ZNF804A: variants seen among roughly 807,000 people sequenced by gnomAD.
ZNF804A encodes the protein zinc finger protein 804A.
A neutral mutation model predicts 16.5 loss-of-function variants in ZNF804A; 2 were observed. That is an observed-to-expected ratio of 0.12 (90% confidence interval 0.05 to 0.38). ZNF804A has a LOEUF of 0.38. Among genes scored for constraint, ZNF804A ranks in the 10% least tolerant of loss-of-function variants. The pLI, the probability that ZNF804A is intolerant of heterozygous loss-of-function variation, is 0.99. For synonymous variants in ZNF804A, 534 were observed against 489.6 expected (o/e 1.09, Z -1.20); for missense variants, 1,473 against 1,390.7 (o/e 1.06, Z -0.94).
chr2:184,601,809 T>C (rs965722212), intron 1 of ZNF804A, among the ~76,000 whole-genome samples: 1 of 152,082 alleles, frequency 6.6e-6, no homozygotes, highest in African/African-American at 2.4e-5. Flanking sequence ...AAAGGTACTT[T>C]GATTACTGCA....
intron 1 of ZNF804A, among the ~76,000 whole-genome samples, chr2:184,672,931 G>A (rs538233466): frequency 2.6e-5 from 4 of 151,984 alleles, no homozygotes; most frequent in African/African-American, 4.8e-5. Context: ...TAGTAGAGAC[G>A]GGGTTTCACC....
chr2:184,710,565 T>C (rs1693109155), intron 1 of ZNF804A, among the ~76,000 whole-genome samples: 1 of 151,830 alleles, frequency 6.6e-6, no homozygotes, highest in Non-Finnish European at 1.5e-5. Context: ...AAGTGTATAA[T>C]ACAGTATTGT....
chr2:184,913,255 T>C (rs1251824690), intron 2 of ZNF804A, among the ~76,000 whole-genome samples: 1 of 152,152 alleles, frequency 6.6e-6, no homozygotes, highest in African/African-American at 2.4e-5. Flanking sequence ...TACATTGGCA[T>C]AGATTTATAA....
intron 1 of ZNF804A, among the ~76,000 whole-genome samples, chr2:184,807,748 A>G (rs1350163282): frequency 6.6e-6 from 1 of 151,754 alleles, no homozygotes; most frequent in Non-Finnish European, 1.5e-5. Flanking sequence ...TGTGGAATCT[A>G]ATGTGTATTG....
intron 1 of ZNF804A, among the ~76,000 whole-genome samples, chr2:184,802,731 C>A (rs139595864): frequency 9.3e-4 from 141 of 152,166 alleles, no homozygotes; most frequent in African/African-American, 3.3e-3. Context: ...TCTTCCAAAC[C>A]CTATATGAGA....
At chr2:184,746,530 C>T (rs1274428725) in intron 1 of ZNF804A, among the ~76,000 whole-genome samples, 1 of 151,424 alleles carries the variant, frequency 6.6e-6, no homozygotes, top group Non-Finnish European at 1.5e-5. Flanking sequence ...AAACAATTAT[C>T]ATTTATTTGT....
chr2:184,679,946 G>C (rs1411122674), intron 1 of ZNF804A, among the ~76,000 whole-genome samples: 1 of 152,186 alleles, frequency 6.6e-6, no homozygotes, highest in African/African-American at 2.4e-5. Flanking sequence ...TGGGCTGCCA[G>C]TTCCCAGGCC....
At chr2:184,714,709 G>A (rs528857976) in intron 1 of ZNF804A, among the ~76,000 whole-genome samples, 3 of 152,158 alleles carry the variant, frequency 2.0e-5, no homozygotes, top group South Asian at 2.1e-4. Flanking sequence ...AGTTGTATTT[G>A]TATTTCATAT....
At chr2:184,813,851 G>T (rs1370161475) in intron 1 of ZNF804A, among the ~76,000 whole-genome samples, 1 of 151,694 alleles carries the variant, frequency 6.6e-6, no homozygotes, top group Non-Finnish European at 1.5e-5. Flanking sequence ...ACTTTCTTTA[G>T]ACCTCTGCTA....
chr2:184,795,042 G>C (rs1694609754), intron 1 of ZNF804A, among the ~76,000 whole-genome samples: 1 of 151,916 alleles, frequency 6.6e-6, no homozygotes, highest in African/African-American at 2.4e-5. Context: ...AAGAGACAAT[G>C]GATTTAAACT....
At chr2:184,791,818 C>T (rs1282747070) in intron 1 of ZNF804A, among the ~76,000 whole-genome samples, 1 of 152,040 alleles carries the variant, frequency 6.6e-6, no homozygotes, top group African/African-American at 2.4e-5. Context: ...AGTTTAAGAG[C>T]CCTAAAAAAT....
intron 1 of ZNF804A, among the ~76,000 whole-genome samples, chr2:184,792,713 C>T (rs748744305): frequency 1.4e-4 from 21 of 152,084 alleles, no homozygotes; most frequent in Non-Finnish European, 2.2e-4. Flanking sequence ...GATCTAAAGT[C>T]ATCAGCTTGC....
intron 1 of ZNF804A, among the ~76,000 whole-genome samples, chr2:184,653,934 T>G (rs930709669): frequency 2.6e-5 from 4 of 152,206 alleles, no homozygotes; most frequent in Admixed American, 2.0e-4. Context: ...ATGATCATTT[T>G]AGAGAACCAG....
At chr2:184,848,119 G>A (rs1193084356) in intron 1 of ZNF804A, among the ~76,000 whole-genome samples, 3 of 152,028 alleles carry the variant, frequency 2.0e-5, no homozygotes, top group South Asian at 2.1e-4. Context: ...GAGTGAGATC[G>A]AAAGTTCCAA....
chr2:184,736,225 A>G (rs1006020288), intron 1 of ZNF804A, among the ~76,000 whole-genome samples: 2 of 152,152 alleles, frequency 1.3e-5, no homozygotes, highest in African/African-American at 4.8e-5. Context: ...TGTGATCCTG[A>G]CCTTACCAAT....
At chr2:184,858,594 G>C (rs150543826) in intron 1 of ZNF804A, among the ~76,000 whole-genome samples, 2 of 150,888 alleles carry the variant, frequency 1.3e-5, no homozygotes, top group East Asian at 3.9e-4. Flanking sequence ...CATGTATTTT[G>C]ATGTTTTAAT....
chr2:184,645,965 G>T (rs954843320), intron 1 of ZNF804A, among the ~76,000 whole-genome samples: 1 of 152,150 alleles, frequency 6.6e-6, no homozygotes, highest in African/African-American at 2.4e-5. Flanking sequence ...CAGGATGAGG[G>T]AGAGCGCTTT....
chr2:184,655,665 A>C (rs780341581), intron 1 of ZNF804A, among the ~76,000 whole-genome samples: 4 of 152,156 alleles, frequency 2.6e-5, no homozygotes, highest in Non-Finnish European at 4.4e-5. Context: ...TATTTGATAG[A>C]ATGGAATTCT....
In ZNF804A at chr2:184,775,364, A is replaced by G. The variant is rs533379433; in HGVS notation, c.112-91005A>G. On this transcript the variant is annotated intron_variant, in intron 1 of 3. Coordinates refer to ENST00000302277, the MANE Select transcript of ZNF804A (RefSeq NM_194250.2). ...CCACAATAACAACTAAGAAAGGAGA[A>G]TCTCCTGCATGCCAGTGTAGTAATA... 2.0e-5 allele frequency among the ~76,000 whole-genome samples: 3 copies of G among 151,878 alleles called. No individual in the cohort carries two copies. The East Asian group carries it at 5.8e-4, about 30-fold the overall frequency.
Sources: gnomAD v4.1 joint callset for allele counts (sites outside exome capture counted in the v4.1 genomes callset) on GRCh38, gnomAD v4.1.1 for gene constraint, MANE v1.5 for transcripts, NCBI Gene and HGNC (gene_info 2026-07-23, HGNC 2026-07-21) for gene names.